Variants in LPGAT1 observed in about 807,000 individuals in gnomAD.
The protein encoded by LPGAT1 is lysophosphatidylglycerol acyltransferase 1, also known as acyl-CoA:lysophosphatidylglycerol acyltransferase 1.
Under a neutral mutation model 47.5 loss-of-function variants are expected in LPGAT1, and 11 were observed. The observed-to-expected ratio is 0.23, with a 90% confidence interval of 0.15 to 0.38. The LOEUF (loss-of-function observed/expected upper bound fraction) is 0.38, where lower values mean the gene tolerates loss of function less well. LPGAT1 is among the 10% of genes least tolerant of loss of function. The pLI is 1.00. For synonymous variants in LPGAT1, 138 were observed against 144.2 expected (o/e 0.96, Z 0.31); for missense variants, 293 against 439.0 (o/e 0.67, Z 2.97).
At chr1:211,787,481 CTG>C (rs1658930778) in intron 4 of LPGAT1, 149 bp downstream of exon 4, 1 of 450,554 alleles carries the variant, frequency 2.2e-6, no homozygotes, top group Non-Finnish European at 3.9e-6. Context: ...GAGCGAGACT[CTG>C]TCTCTCAAAA....
chr1:211,825,632 C>T (rs972181725), intron 2 of LPGAT1, among the ~76,000 whole-genome samples: 3 of 152,108 alleles, frequency 2.0e-5, no homozygotes, highest in African/African-American at 7.2e-5. Context: ...ATTTCCTCAA[C>T]GTGAGATATC....
intron 6 of LPGAT1, among the ~76,000 whole-genome samples, chr1:211,777,597 C>T (rs747980259): frequency 1.3e-5 from 2 of 152,060 alleles, no homozygotes; most frequent in Non-Finnish European, 2.9e-5. Context: ...AATAAATGTT[C>T]TTGCTACTGT....
chr1:211,776,469 G>A (rs946872065), intron 6 of LPGAT1, among the ~76,000 whole-genome samples: 2 of 152,068 alleles, frequency 1.3e-5, no homozygotes, highest in African/African-American at 4.8e-5. Flanking sequence ...CCCAGGAGGT[G>A]GAGGTTGCAG....
At chr1:211,795,525 G>A (rs760475685) in intron 2 of LPGAT1, among the ~76,000 whole-genome samples, 12 of 152,198 alleles carry the variant, frequency 7.9e-5, no homozygotes, top group South Asian at 2.1e-4. Context: ...GCGCCACCAC[G>A]CCCGGCTAAT....
intron 3 of LPGAT1, among the ~76,000 whole-genome samples, chr1:211,791,458 A>C (rs1463237227): frequency 6.6e-6 from 1 of 152,182 alleles, no homozygotes; most frequent in Non-Finnish European, 1.5e-5. Flanking sequence ...CTCACTTGTC[A>C]ATTAAGTATT....
chr1:211,790,559 TTC>T (rs1659069820), intron 3 of LPGAT1, among the ~76,000 whole-genome samples: 1 of 152,214 alleles, frequency 6.6e-6, no homozygotes, highest in Non-Finnish European at 1.5e-5. Context: ...CACCCTTATA[TTC>T]TGTTACTCCT....
intron 3 of LPGAT1, 53 bp downstream of exon 3, chr1:211,793,019 C>T (rs202028839): frequency 1.5e-5 from 19 of 1,277,852 alleles, no homozygotes; most frequent in Non-Finnish European, 2.0e-5. Flanking sequence ...CAAATGGATT[C>T]CTTTTTAACC....
intron 2 of LPGAT1, among the ~76,000 whole-genome samples, chr1:211,819,017 T>C (rs927585050): frequency 6.6e-5 from 10 of 152,154 alleles, no homozygotes; most frequent in African/African-American, 1.7e-4. Context: ...CAGTGTACAA[T>C]AGGATGGTGG....
At chr1:211,797,727 A>G (rs1659406383) in intron 2 of LPGAT1, among the ~76,000 whole-genome samples, 2 of 152,212 alleles carry the variant, frequency 1.3e-5, no homozygotes, top group African/African-American at 4.8e-5. Flanking sequence ...TAGAAAAGAA[A>G]TTATGGATGT....
At chr1:211,782,303 T>C (rs1351899975) in intron 5 of LPGAT1, among the ~76,000 whole-genome samples, 1 of 152,242 alleles carries the variant, frequency 6.6e-6, no homozygotes, top group Non-Finnish European at 1.5e-5. Context: ...CTATTATAAA[T>C]AATCTGTAAT....
intron 6 of LPGAT1, among the ~76,000 whole-genome samples, chr1:211,752,099 T>C (rs973876179): frequency 6.6e-6 from 1 of 152,226 alleles, no homozygotes; most frequent in African/African-American, 2.4e-5. Context: ...CATGTAAATA[T>C]ATTCATTGCT....
intron 2 of LPGAT1, among the ~76,000 whole-genome samples, chr1:211,813,498 G>T (rs1185107564): frequency 3.9e-5 from 6 of 152,046 alleles, no homozygotes; most frequent in African/African-American, 1.2e-4. Context: ...CAAATATGCA[G>T]GCCAAGAGGC....
chr1:211,806,415 C>T (rs1445677908), intron 2 of LPGAT1, among the ~76,000 whole-genome samples: 5 of 151,472 alleles, frequency 3.3e-5, no homozygotes. Context: ...CAAATTAACA[C>T]AGAAACAGAA....
intron 6 of LPGAT1, among the ~76,000 whole-genome samples, chr1:211,765,464 G>A (rs1249110536): frequency 6.6e-6 from 1 of 152,104 alleles, no homozygotes; most frequent in East Asian, 1.9e-4. Flanking sequence ...TTTAACCATT[G>A]TCCAATTAAA....
intron 2 of LPGAT1, among the ~76,000 whole-genome samples, chr1:211,817,441 G>A (rs562294590): frequency 3.9e-4 from 60 of 151,976 alleles, no homozygotes; most frequent in African/African-American, 1.3e-3. Context: ...GCATGTGGCC[G>A]GCGCCTGTAG....
chr1:211,748,612 G>A lies in LPGAT1; in HGVS notation c.*1287C>T, dbSNP rs1184048561. ...AGGCAGGAGAATCGCTCGAACCCGG[G>A]AGGCAGAGACTGCAGTGAGCTGAGA... On this transcript the variant is annotated 3_prime_UTR_variant, in exon 8 of 8. Transcript: ENST00000366997. 2 of 152,356 alleles carry A rather than the reference G, an allele frequency of 1.3e-5. No homozygotes were observed. Among genetic ancestry groups the A allele is most frequent in the African/African-American group, 2.4e-5 (1 of 41,442 alleles). 9.4% of individuals were successfully genotyped at this position (152,356 alleles called of 1,614,324 possible).
chr1:211,806,259 C>CAAA (rs141014104), intron 2 of LPGAT1, among the ~76,000 whole-genome samples: 1 of 88,252 alleles, frequency 1.1e-5, no homozygotes, highest in African/African-American at 4.3e-5. Context: ...GGGTCTGTCT[C>CAAA]AAAAAAAAAA....
chr1:211,753,468 C>CT (rs542555705), intron 6 of LPGAT1, among the ~76,000 whole-genome samples: 3 of 151,594 alleles, frequency 2.0e-5, no homozygotes, highest in Admixed American at 6.6e-5. Context: ...TATTTTTTTG[C>CT]TTTTTTTCTT....
chr1:211,811,965 C>T lies in LPGAT1; in HGVS notation c.238+17094G>A, dbSNP rs114730597. The stretch of plus-strand genomic sequence containing the variant: ...GCCCTTCACTCAAAGACTAGCTCGG[C>T]TCTTGCCAGCTCTATCACTCACATT... On this transcript the variant is annotated intron_variant, in intron 2 of 7. Coordinates refer to ENST00000366997, the MANE Select transcript of LPGAT1 (RefSeq NM_014873.3). 8.1e-3 allele frequency among the ~76,000 whole-genome samples: 1,241 copies of T among 152,336 alleles called. 26 individuals are homozygous for T. The highest frequency in any genetic ancestry group is 0.028 in the African/African-American group (1,154 of 41,570).
Sources: allele counts gnomAD v4.1 joint callset (sites outside exome capture counted in the v4.1 genomes callset), GRCh38; gene constraint gnomAD v4.1.1; transcripts MANE v1.5; gene names NCBI Gene and HGNC (gene_info 2026-07-23, HGNC 2026-07-21).